The following PIGU variants were observed in gnomAD, a reference collection of about 807,000 sequenced individuals.
PIGU encodes GPI-anchor transamidase component PIGU.
PIGU carries 24 observed loss-of-function variants against 49.9 expected under a neutral mutation model. That is an observed-to-expected ratio of 0.48 (90% CI 0.35 to 0.68). PIGU has a LOEUF of 0.68. PIGU is among the 30% of genes least tolerant of loss of function. The pLI is 0.01. For synonymous variants in PIGU, 220 were observed against 205.7 expected (o/e 1.07, Z -0.59); for missense variants, 490 against 532.6 (o/e 0.92, Z 0.79).
chr20:34,673,583 GT>G (rs1271443076), intron 1 of PIGU, among the ~76,000 whole-genome samples: 1 of 152,122 alleles, frequency 6.6e-6, no homozygotes, highest in African/African-American at 2.4e-5. Flanking sequence ...ACACTACTAT[GT>G]CCTTTCTGAT....
intron 6 of PIGU, among the ~76,000 whole-genome samples, chr20:34,624,270 T>C (rs1197078209): frequency 1.3e-5 from 2 of 152,030 alleles, no homozygotes; most frequent in African/African-American, 4.8e-5. Context: ...CCATTCATTC[T>C]TTATATTCAC....
chr20:34,605,011 T>C (rs2146730598), intron 7 of PIGU, among the ~76,000 whole-genome samples: 1 of 152,292 alleles, frequency 6.6e-6, no homozygotes, highest in Non-Finnish European at 1.5e-5. Context: ...AGCATCTCGG[T>C]AAGCCTCGCC....
At chr20:34,589,872 T>A (rs1251167875) in intron 7 of PIGU, among the ~76,000 whole-genome samples, 1 of 151,386 alleles carries the variant, frequency 6.6e-6, no homozygotes, top group Non-Finnish European at 1.5e-5. Flanking sequence ...GCCAGGCTGG[T>A]CTCAAACTCC....
intron 11 of PIGU, among the ~76,000 whole-genome samples, chr20:34,566,783 C>CT (rs1199920511): frequency 6.6e-6 from 1 of 152,096 alleles, no homozygotes; most frequent in Non-Finnish European, 1.5e-5. Context: ...CCACAACCCC[C>CT]TAGGGTCTGC....
chr20:34,624,311 G>A (rs2146749096), intron 6 of PIGU, among the ~76,000 whole-genome samples: 1 of 152,282 alleles, frequency 6.6e-6, no homozygotes, highest in South Asian at 2.1e-4. Context: ...TCATCCCCAT[G>A]CTGCAGATAA....
intron 1 of PIGU, among the ~76,000 whole-genome samples, chr20:34,665,951 C>T (rs1987076201): frequency 6.6e-6 from 1 of 152,000 alleles, no homozygotes. Flanking sequence ...GTTGGGAGGC[C>T]GAAGTGGGTG....
intron 1 of PIGU, among the ~76,000 whole-genome samples, chr20:34,659,060 C>T (rs1164556991): frequency 7.0e-6 from 1 of 142,618 alleles, no homozygotes; most frequent in East Asian, 2.2e-4. Context: ...CCAGCTGCCC[C>T]GTCCGGGAGG....
intron 2 of PIGU, among the ~76,000 whole-genome samples, chr20:34,652,896 C>T (rs573677263): frequency 6.6e-6 from 1 of 151,358 alleles, no homozygotes; most frequent in Admixed American, 6.6e-5. Flanking sequence ...GCAAATGTTC[C>T]GTGTACATTT....
At chr20:34,673,253 CAA>C (rs71282179) in intron 1 of PIGU, among the ~76,000 whole-genome samples, 9 of 88,812 alleles carry the variant, frequency 1.0e-4, no homozygotes, top group Non-Finnish European at 9.0e-5. Context: ...GACTCCGTCT[CAA>C]AAAAAAAAAA....
rs143647799 is a variant in PIGU at position 34,641,299 on chromosome 20, A to G, written c.318+2865T>C. On this transcript the variant is annotated intron_variant, in intron 4 of 11. Transcript: ENST00000217446. ...ACTATGGTGGGGTCGGGGAGAGGAAACACTCCACCCCTGTCCCTACTCCTC... is the reference window on the plus strand; with the variant it reads ...ACTATGGTGGGGTCGGGGAGAGGAAGCACTCCACCCCTGTCCCTACTCCTC... 2.8e-3 allele frequency among the ~76,000 whole-genome samples: 422 copies of G among 152,190 alleles called. 1 individual carries two copies. Among genetic ancestry groups the G allele is most frequent in the African/African-American group, 9.7e-3 (401 of 41,552 alleles).
At chr20:34,630,753 C>T (rs1378061793) in intron 6 of PIGU, among the ~76,000 whole-genome samples, 6 of 152,036 alleles carry the variant, frequency 3.9e-5, no homozygotes, top group African/African-American at 1.4e-4. Flanking sequence ...CTCAAGCAAT[C>T]CTTCTGCCTC....
At chr20:34,615,970 T>G in intron 7 of PIGU, 72 bp downstream of exon 7, 1 of 1,511,930 alleles carries the variant, frequency 6.6e-7, no homozygotes, top group Non-Finnish European at 8.8e-7. Flanking sequence ...GTGCCCTTCC[T>G]TTCCCCCAGC....
intron 6 of PIGU, among the ~76,000 whole-genome samples, chr20:34,621,858 A>C (rs1985248743): frequency 6.6e-6 from 1 of 152,228 alleles, no homozygotes; most frequent in African/African-American, 2.4e-5. Context: ...AGCTCCCAGT[A>C]AACAATTACA....
intron 2 of PIGU, among the ~76,000 whole-genome samples, chr20:34,653,364 T>C (rs1055513294): frequency 2.0e-5 from 3 of 152,244 alleles, no homozygotes; most frequent in Non-Finnish European, 4.4e-5. Context: ...ATCTCTGTAA[T>C]TGTGGATCTA....
At chr20:34,602,102 T>C (rs1307494769) in intron 7 of PIGU, among the ~76,000 whole-genome samples, 1 of 152,044 alleles carries the variant, frequency 6.6e-6, no homozygotes, top group Non-Finnish European at 1.5e-5. Context: ...GACAACATGG[T>C]GAAAACCCGT....
intron 1 of PIGU, among the ~76,000 whole-genome samples, chr20:34,659,203 G>A (rs1280148011): frequency 3.6e-5 from 5 of 138,718 alleles, no homozygotes; most frequent in South Asian, 4.6e-4. Flanking sequence ...GGAGGGAGGT[G>A]GGGGGGTCAG....
rs760431925 is a variant in PIGU, at chr20:34,586,208, T to C, written c.783-628A>G. On this transcript the variant is annotated intron_variant, in intron 8 of 11. Coordinates refer to ENST00000217446, the MANE Select transcript of PIGU (RefSeq NM_080476.5). ...AATTCTGGCTCTCCTAAAGTTTACA[T>C]TTTTGATTTAAAAAAATATGAAGTT... 3.3e-5 allele frequency among the ~76,000 whole-genome samples: 5 copies of C among 152,318 alleles called. No homozygotes were observed. In the South Asian group the frequency reaches 1.0e-3, roughly 32 times the overall value.
intron 7 of PIGU, among the ~76,000 whole-genome samples, chr20:34,604,112 G>A (rs907685951): frequency 1.3e-5 from 2 of 152,044 alleles, no homozygotes; most frequent in Admixed American, 6.5e-5. Flanking sequence ...ACATCTGTGG[G>A]GCCAGATGTG....
chr20:34,628,830 G>T (rs9753765), intron 6 of PIGU, among the ~76,000 whole-genome samples: 1 of 152,086 alleles, frequency 6.6e-6, no homozygotes, highest in Non-Finnish European at 1.5e-5. Context: ...CAACCTGGGC[G>T]ACAGAGCGAG....
Sources: allele counts gnomAD v4.1 joint callset (sites outside exome capture counted in the v4.1 genomes callset), GRCh38; gene constraint gnomAD v4.1.1; transcripts MANE v1.5; gene names NCBI Gene and HGNC (gene_info 2026-07-23, HGNC 2026-07-21).